The following PLB1 variants were observed in gnomAD, a reference collection of about 807,000 sequenced individuals.
PLB1 encodes phospholipase B1, membrane-associated.
PLB1 carries 242 observed loss-of-function variants against 227.4 expected under a neutral mutation model. The ratio of observed to expected loss-of-function variants is 1.06; its 90% confidence interval spans 0.96 to 1.18. The LOEUF (loss-of-function observed/expected upper bound fraction) is 1.18, where lower values mean the gene tolerates loss of function less well. PLB1 is among the 50% of genes most tolerant of loss of function. PLB1 has a pLI of 0.00. For missense variants in PLB1, 1,858 were observed against 1,816.3 expected (o/e 1.02, Z -0.42); for synonymous variants, 757 against 682.2 (o/e 1.11, Z -1.71).
chr2:28,507,087 G>T (rs1173489865), intron 1 of PLB1, among the ~76,000 whole-genome samples: 1 of 152,152 alleles, frequency 6.6e-6, no homozygotes, highest in Admixed American at 6.5e-5. Flanking sequence ...GGCCAATGGT[G>T]GCTGAGGTGA....
At chr2:28,538,209 C>A in intron 9 of PLB1, 110 bp from the exon 10 acceptor site, 2 of 1,285,110 alleles carry the variant, frequency 1.6e-6, no homozygotes, top group Non-Finnish European at 2.2e-6. Flanking sequence ...CTAGATGGTG[C>A]CTTTGCCTGT....
At chr2:28,525,490 T>C (rs181105734) in intron 5 of PLB1, among the ~76,000 whole-genome samples, 183 bp downstream of exon 5, 1 of 152,244 alleles carries the variant, frequency 6.6e-6, no homozygotes, top group African/African-American at 2.4e-5. Context: ...GTCTAACCCT[T>C]CCTCTGCCTG....
At chr2:28,612,734 A>G (rs1294101274) in intron 43 of PLB1, among the ~76,000 whole-genome samples, 6 of 149,588 alleles carry the variant, frequency 4.0e-5, no homozygotes, top group Non-Finnish European at 7.4e-5. Flanking sequence ...TCAACCTCTC[A>G]AGTAGCTGAG....
chr2:28,557,339 G>C (rs1240272574), intron 17 of PLB1, among the ~76,000 whole-genome samples: 1 of 152,188 alleles, frequency 6.6e-6, no homozygotes, highest in African/African-American at 2.4e-5. Context: ...GACTCCAAAG[G>C]CAAAACATCG....
At chr2:28,634,463 CAGTTTTTTCATCAAGGTATGGCCTTCCT>C (rs1458397037) in intron 56 of PLB1, among the ~76,000 whole-genome samples, 2 of 152,122 alleles carry the variant, frequency 1.3e-5, no homozygotes, top group African/African-American at 4.8e-5. Context: ...CCTTCCTTCC[CAGTTTTTTCATCAAGGTATGGCCTTCCT>C]ACCAGGTGGC....
chr2:28,538,482 G>A, intron 10 of PLB1, 101 bp downstream of exon 10: 1 of 1,063,394 alleles, frequency 9.4e-7, no homozygotes, highest in Non-Finnish European at 1.4e-6. Context: ...GAGGGAGACT[G>A]GGACCCTCGG....
At chr2:28,548,320 C>T (rs1315816406) in intron 14 of PLB1, among the ~76,000 whole-genome samples, 1 of 152,170 alleles carries the variant, frequency 6.6e-6, no homozygotes, top group Non-Finnish European at 1.5e-5. Context: ...GATGCATTTG[C>T]CCTTCCTTCC....
At chr2:28,552,796 G>A (rs1331426020) in intron 16 of PLB1, 132 bp from the exon 17 acceptor site, 7 of 712,306 alleles carry the variant, frequency 9.8e-6, no homozygotes, top group Non-Finnish European at 1.5e-5. Context: ...TGAAGGAGAG[G>A]GAGAAATCTT....
At chr2:28,590,220 T>C (rs1228448026) in intron 29 of PLB1, 144 bp downstream of exon 29, 2 of 738,500 alleles carry the variant, frequency 2.7e-6, no homozygotes, top group Non-Finnish European at 4.6e-6. Context: ...AAATGCCCCA[T>C]CTGGTTGTAC....
intron 26 of PLB1, among the ~76,000 whole-genome samples, chr2:28,589,130 A>T (rs1681425636): frequency 6.6e-6 from 1 of 151,522 alleles, no homozygotes; most frequent in South Asian, 2.1e-4. Flanking sequence ...GCGCCATTGC[A>T]CTCCAGCCTG....
intron 5 of PLB1, 90 bp downstream of exon 5, chr2:28,525,397 C>A: frequency 6.4e-6 from 9 of 1,415,536 alleles, no homozygotes; most frequent in Non-Finnish European, 8.8e-6. Flanking sequence ...AGATTGGAGG[C>A]CAGGGAGGCT....
chr2:28,511,788 C>CTTTTTTTTT (rs59137589), intron 1 of PLB1, among the ~76,000 whole-genome samples: 17,051 of 131,000 alleles, frequency 0.13, 1,251 homozygotes, highest in South Asian at 0.17. Flanking sequence ...GCCATTTTAT[C>CTTTTTTTTT]TTTTTTTTTT....
chr2:28,583,954 G>A (rs1034914992), intron 25 of PLB1, among the ~76,000 whole-genome samples: 1 of 152,112 alleles, frequency 6.6e-6, no homozygotes, highest in Non-Finnish European at 1.5e-5. Context: ...GGAATAAGAC[G>A]TTCCTCTAAG....
Position 28,587,607 on chromosome 2 carries a change from C to CA in PLB1, c.1815+1779dup, listed in dbSNP as rs139579194. 2.3e-3 allele frequency among the ~76,000 whole-genome samples: 334 copies of CA among 142,220 alleles called. 3 individuals carry two copies. Among genetic ancestry groups the CA allele is most frequent in the Middle Eastern group, 7.1e-3 (2 of 280 alleles). 93.3% of individuals were successfully genotyped at this position (142,220 alleles called of 152,430 possible). ...CCTGGGTGACACAGTGAGACTGTCT[C>CA]AAAAAAAAAAAAAATCAAAATCAGG... On this transcript the variant is annotated intron_variant, in intron 26 of 57. Transcript: ENST00000327757.
chr2:28,555,361 T>C (rs1674911596), intron 17 of PLB1, among the ~76,000 whole-genome samples: 1 of 152,054 alleles, frequency 6.6e-6, no homozygotes, highest in Non-Finnish European at 1.5e-5. Context: ...AGGCTGGTCT[T>C]GAACTCCTGA....
rs1164188486 is a variant in PLB1 at position 28,614,656 on chromosome 2, C to G, written c.3195+560C>G. Among the ~76,000 whole-genome samples the G allele has an allele frequency of 2.0e-5, 3 of 152,238 alleles. No individual in the cohort carries two copies. In the South Asian group the frequency reaches 6.2e-4, roughly 32 times the overall value. On this transcript the variant is annotated intron_variant, in intron 44 of 57. Transcript: ENST00000327757. ...CAAAGACGGCCTGGAGGACCCCGGA[C>G]TATACCATGACTGGCAGTCAGGCCT...
intron 14 of PLB1, among the ~76,000 whole-genome samples, chr2:28,544,949 C>A (rs1255975229): frequency 6.6e-6 from 1 of 152,080 alleles, no homozygotes; most frequent in Non-Finnish European, 1.5e-5. Flanking sequence ...GATTCCTATC[C>A]CTTTCTCCTT....
intron 56 of PLB1, among the ~76,000 whole-genome samples, chr2:28,634,428 A>G (rs912746467): frequency 3.9e-5 from 6 of 152,150 alleles, no homozygotes; most frequent in African/African-American, 1.4e-4. Context: ...CTGAGACCTC[A>G]GGGGATTCCA....
chr2:28,622,335 G>C (rs188547809), intron 49 of PLB1, among the ~76,000 whole-genome samples: 1 of 152,270 alleles, frequency 6.6e-6, no homozygotes, highest in East Asian at 1.9e-4. Context: ...CTCTGAGTCT[G>C]TTTCTTCAGC....
Sources: gnomAD v4.1 joint callset for allele counts (sites outside exome capture counted in the v4.1 genomes callset) on GRCh38, gnomAD v4.1.1 for gene constraint, MANE v1.5 for transcripts, NCBI Gene and HGNC (gene_info 2026-07-23, HGNC 2026-07-21) for gene names.